The following ACSL6 variants were observed in gnomAD, a reference collection of about 807,000 sequenced individuals.
The protein encoded by ACSL6 is acyl-CoA synthetase long chain family member 6, also known as long-chain-fatty-acid--CoA ligase 6.
Under a neutral mutation model 98.2 loss-of-function variants are expected in ACSL6, and 47 were observed. The ratio of observed to expected loss-of-function variants is 0.48; its 90% CI spans 0.38 to 0.61. The LOEUF is 0.61. ACSL6 is among the 20% of genes least tolerant of loss of function. ACSL6 has a pLI of 0.00. For missense variants in ACSL6, 761 were observed against 913.4 expected (o/e 0.83, Z 2.15); for synonymous variants, 362 against 336.9 (o/e 1.07, Z -0.82).
intron 1 of ACSL6, among the ~76,000 whole-genome samples, chr5:132,001,039 A>G (rs556965788): frequency 6.6e-6 from 1 of 152,114 alleles, no homozygotes; most frequent in Admixed American, 6.5e-5. Flanking sequence ...AAATGAACGA[A>G]TATCTGAGCA....
intron 1 of ACSL6, among the ~76,000 whole-genome samples, chr5:131,998,129 C>T (rs1754886042): frequency 1.3e-5 from 2 of 152,278 alleles, no homozygotes; most frequent in African/African-American, 2.4e-5. Flanking sequence ...GCCATACTGC[C>T]TCCTTCCATA....
chr5:131,970,556 T>A (rs902732195), intron 14 of ACSL6, among the ~76,000 whole-genome samples: 31 of 151,952 alleles, frequency 2.0e-4, no homozygotes, highest in African/African-American at 6.3e-4. Context: ...ACTACAGACA[T>A]GTGCCACCAC....
chr5:131,974,964 TC>T lies in ACSL6; in HGVS notation c.996del (p.Ile333SerfsTer22). The T allele has an allele frequency of 1.2e-6, 2 of 1,613,622 alleles. No homozygotes were observed. Among genetic ancestry groups the T allele is most frequent in the South Asian group, 2.2e-5 (2 of 90,990 alleles). On this transcript the variant is annotated frameshift_variant, in exon 11 of 21. Coordinates refer to ENST00000651883, the MANE Select transcript of ACSL6 (RefSeq NM_001009185.3). LOFTEE classifies it high-confidence loss of function. ...FSGFLKVTEK[V>X]IFPRQDDVLI... The stretch of plus-strand genomic sequence containing the variant: ...AGCACATCGTCCTGTCTCGGAAAGA[TC>T]ACTTTCTGCAGGCGACGGGCATGGG...
intron 16 of ACSL6, among the ~76,000 whole-genome samples, chr5:131,966,754 C>T (rs1753036375): frequency 6.6e-6 from 1 of 152,232 alleles, no homozygotes; most frequent in Admixed American, 6.5e-5. Context: ...CCTGCCCTGG[C>T]CACCCTAGGC....
chr5:131,972,892 C>T, intron 12 of ACSL6, 34 bp from the exon 13 acceptor site: 3 of 1,613,768 alleles, frequency 1.9e-6, no homozygotes, highest in South Asian at 2.2e-5. Flanking sequence ...GCTGTCAGAG[C>T]CTGAATGTCT....
chr5:132,011,946 A>AG (rs768888256), upstream of ACSL6: 2 of 1,545,426 alleles, frequency 1.3e-6, no homozygotes, highest in Non-Finnish European at 1.7e-6. This position sits in a 1 kb window ranked among gnomAD's most constrained non-coding sequence, Gnocchi z 5.4. Context: ...TGGAAGGGGG[A>AG]GCACGGGCGA....
chr5:131,960,393 A>G (rs551457934), intron 19 of ACSL6, 127 bp downstream of exon 19: 3 of 632,242 alleles, frequency 4.7e-6, no homozygotes, highest in Non-Finnish European at 7.9e-6. Context: ...TCCCCACTAT[A>G]TATAAAGTAA....
chr5:131,974,977 G>GCGA lies in ACSL6; in HGVS notation c.991-10_991-8dup. On this transcript the variant is annotated splice_region_variant and splice_polypyrimidine_tract_variant and intron_variant, in intron 10 of 20. Coordinates refer to ENST00000651883, the MANE Select transcript of ACSL6 (RefSeq NM_001009185.3). ...GTCTCGGAAAGATCACTTTCTGCAGGCGACGGGCATGGGAGACAGAAAGGA... is the reference window on the plus strand; with the variant it reads ...GTCTCGGAAAGATCACTTTCTGCAGGCGACGACGGGCATGGGAGACAGAAAGGA... The GCGA allele has an allele frequency of 6.2e-7, 1 of 1,613,554 alleles. No homozygotes were observed. Among genetic ancestry groups the GCGA allele is most frequent in the Non-Finnish European group, 8.5e-7 (1 of 1,179,764 alleles).
chr5:131,954,024 C>A lies in ACSL6; in HGVS notation c.*210G>T. The stretch of plus-strand genomic sequence containing the variant: ...TGCCATTTGTGATATTTTTAGCAGT[C>A]CACCACAATATCATTTTTATAATAA... On this transcript the variant is annotated 3_prime_UTR_variant, in exon 21 of 21. Coordinates refer to ENST00000651883, the MANE Select transcript of ACSL6 (RefSeq NM_001009185.3). 1 of 374,432 alleles carries A rather than the reference C, an allele frequency of 2.7e-6. No homozygotes were observed. The highest frequency in any genetic ancestry group is 4.6e-6 in the Non-Finnish European group (1 of 217,388). 23.2% of individuals were successfully genotyped at this position (374,432 alleles called of 1,614,324 possible). A position where few individuals can be genotyped will look rare whatever the true frequency, so the allele number is the denominator to read the frequency against.
intron 16 of ACSL6, 146 bp downstream of exon 16, chr5:131,967,794 T>A: frequency 3.3e-6 from 2 of 608,280 alleles, no homozygotes; most frequent in Non-Finnish European, 5.6e-6. Context: ...GGAGAGGAGA[T>A]GCTGAGTTGA....
At chr5:132,005,457 C>A (rs1755352390) in intron 1 of ACSL6, among the ~76,000 whole-genome samples, 1 of 152,258 alleles carries the variant, frequency 6.6e-6, no homozygotes, top group Non-Finnish European at 1.5e-5. Context: ...CTTACTCCAG[C>A]CAACCTCCCT....
At chr5:132,003,834 G>C (rs1049452150) in intron 1 of ACSL6, 3 of 152,196 alleles carry the variant, frequency 2.0e-5, no homozygotes, top group Non-Finnish European at 2.9e-5. Flanking sequence ...GGATGGAGGT[G>C]GGATCCAGAA....
chr5:131,959,649 A>C (rs757514333), intron 19 of ACSL6, 42 bp from the exon 20 acceptor site: 3 of 1,581,352 alleles, frequency 1.9e-6, no homozygotes, highest in Non-Finnish European at 2.6e-6. Flanking sequence ...ACAAGAACAC[A>C]TTTCAAAATG....
In ACSL6 at chr5:131,989,516, C is replaced by T. The variant is rs1043081743; in HGVS notation, c.451-8G>A. The T allele has an allele frequency of 8.8e-6, 14 of 1,593,196 alleles. No homozygotes were observed. The highest frequency in any genetic ancestry group is 1.1e-5 in the Non-Finnish European group (13 of 1,167,892). ...TTCAGCCCTGTCGGCCACCTGCACA[C>T]AGATGTGGGGAAGTGATGGGAAAAC... On this transcript the variant is annotated splice_region_variant and splice_polypyrimidine_tract_variant and intron_variant, in intron 4 of 20. Coordinates refer to ENST00000651883, the MANE Select transcript of ACSL6 (RefSeq NM_001009185.3).
At chr5:131,986,974 CA>C in intron 7 of ACSL6, 120 bp from the exon 8 acceptor site, 3 of 83,414 alleles carry the variant, frequency 3.6e-5, no homozygotes, top group East Asian at 8.9e-5. Context: ...CACACATACC[CA>C]CACACTCACA....
intron 10 of ACSL6, among the ~76,000 whole-genome samples, 190 bp downstream of exon 10, chr5:131,976,458 T>C (rs1444474007): frequency 1.3e-5 from 2 of 151,930 alleles, no homozygotes; most frequent in Non-Finnish European, 2.9e-5. Flanking sequence ...ATTTCAGTAT[T>C]TGGAGTGAAA....
At position 131,988,113 on chromosome 5, in the gene ACSL6, C is replaced by G. The variant is rs1419742238; in HGVS notation, c.766G>C (p.Glu256Gln). The change falls in exon 7 of 21, where the codon GAA becomes CAA. Residue 256 changes from glutamate (E) to glutamine (Q), a missense_variant. Glu to Gln is a conservative substitution (Grantham distance 29). Coordinates refer to ENST00000651883, the MANE Select transcript of ACSL6 (RefSeq NM_001009185.3). The part of the protein sequence containing the change: ...LKLIILMDPF[E>Q]EALKERGQKC... ...TGCCCTCTCTCTTTCAGGGCTTCTTCGAATGGGTCCATGAGGATGATCAGC... is the reference window on the plus strand; with the variant it reads ...TGCCCTCTCTCTTTCAGGGCTTCTTGGAATGGGTCCATGAGGATGATCAGC... The G allele has an allele frequency of 3.1e-6, 5 of 1,614,068 alleles. No individual in the cohort carries two copies. The South Asian group carries it at 5.5e-5, about 18-fold the overall frequency.
intron 1 of ACSL6, 162 bp from the exon 2 acceptor site, chr5:131,994,413 C>T: frequency 1.6e-6 from 1 of 629,264 alleles, no homozygotes; most frequent in Non-Finnish European, 2.8e-6. Flanking sequence ...CCTAGAAGGG[C>T]TTTTCCCAGG....
chr5:131,985,122 A>G lies in ACSL6; in HGVS notation c.916+285T>C, dbSNP rs1350950960. The G allele has an allele frequency of 6.6e-6, 3 of 457,326 alleles. No individual in the cohort carries two copies. In the Admixed American group the frequency reaches 1.0e-4, roughly 15 times the overall value. The allele number at this position is 457,326 out of a possible 1,614,324, so 28.3% of individuals were successfully genotyped here. Reference sequence around the variant, plus strand: ...AGAGAAATGATGCCAGTGAGAAAGGACCTTCCCTCAGCACATGATCCAGCT... The same window carrying G: ...AGAGAAATGATGCCAGTGAGAAAGGGCCTTCCCTCAGCACATGATCCAGCT... On this transcript the variant is annotated intron_variant, in intron 9 of 20. Coordinates refer to ENST00000651883, the MANE Select transcript of ACSL6 (RefSeq NM_001009185.3).
Sources: allele counts gnomAD v4.1 joint callset (sites outside exome capture counted in the v4.1 genomes callset), GRCh38; gene constraint gnomAD v4.1.1; non-coding constraint Gnocchi (gnomAD v3.1); transcripts MANE v1.5; gene names NCBI Gene and HGNC (gene_info 2026-07-23, HGNC 2026-07-21).